NOX4: variants seen among roughly 807,000 people sequenced by gnomAD.
The protein encoded by NOX4 is kidney oxidase-1.
NOX4 carries 69 observed loss-of-function variants against 87.6 expected under a neutral mutation model. The ratio of observed to expected loss-of-function variants is 0.79; its 90% CI spans 0.65 to 0.96. The LOEUF is 0.96. NOX4 is among the 40% of genes least tolerant of loss of function. The probability of loss-of-function intolerance (pLI) is 0.00; values close to 1 mark genes in which losing one functional copy is unlikely to be tolerated. For missense variants in NOX4, 680 were observed against 681.5 expected, an observed-to-expected ratio of 1.00 and a Z score of 0.02; for synonymous variants, 275 against 238.2, an observed-to-expected ratio of 1.15 and a Z score of -1.42.
chr11:89,499,651 A>C (rs536259824), upstream of NOX4, among the ~76,000 whole-genome samples: 5 of 152,248 alleles, frequency 3.3e-5, no homozygotes, highest in East Asian at 9.7e-4. Flanking sequence ...TCACAATTGG[A>C]TCACTCTTAC....
chr11:89,382,772 C>T (rs1940393459), intron 11 of NOX4, among the ~76,000 whole-genome samples: 1 of 152,078 alleles, frequency 6.6e-6, no homozygotes, highest in Admixed American at 6.5e-5. Context: ...TGTTCTGTGA[C>T]TAGCCCTCCC....
chr11:89,337,647 G>T (rs1945773747), intron 15 of NOX4, 132 bp from the exon 16 acceptor site: 1 of 1,220,380 alleles, frequency 8.2e-7, no homozygotes, highest in Admixed American at 2.2e-5. Flanking sequence ...ATAAGAAAAT[G>T]AATACACACA....
At chr11:89,483,183 T>A (rs1728621762) in intron 2 of NOX4, among the ~76,000 whole-genome samples, 1 of 152,112 alleles carries the variant, frequency 6.6e-6, no homozygotes, top group South Asian at 2.1e-4. Context: ...GGCCAAGAAC[T>A]GTGTCTGACA....
In NOX4 at chr11:89,491,276, G is replaced by GC; in HGVS notation, c.-31dup. 6.2e-7 allele frequency: 1 copy of GC among 1,603,150 alleles called. No individual in the cohort carries two copies. The highest frequency in any genetic ancestry group is 8.5e-7 in the Non-Finnish European group (1 of 1,174,706). On this transcript the variant is annotated 5_prime_UTR_variant, in exon 1 of 18. Transcript: ENST00000263317. ...CCGGCCCCGCCGCGCTGCGCTCTGTGCCCGCCGGACCGAGAAGGAGCGGGC... is the reference window on the plus strand; with the variant it reads ...CCGGCCCCGCCGCGCTGCGCTCTGTGCCCCGCCGGACCGAGAAGGAGCGGGC...
At chr11:89,533,598 C>T in the NOX4 span, 1 of 148,224 alleles carries the variant, frequency 6.7e-6, no homozygotes, top group Admixed American at 6.7e-5. Flanking sequence ...TGAGTGAGAA[C>T]TAAAATTCTT....
chr11:89,547,505 T>G, the NOX4 span, among the ~76,000 whole-genome samples: 1 of 152,214 alleles, frequency 6.6e-6, no homozygotes, highest in Non-Finnish European at 1.5e-5. Context: ...TCCCTGAAAC[T>G]ACAATATCTA....
upstream of NOX4, among the ~76,000 whole-genome samples, chr11:89,501,066 A>T (rs1947011445): frequency 6.6e-6 from 1 of 152,084 alleles, no homozygotes; most frequent in South Asian, 2.1e-4. Flanking sequence ...ACCAAGCTGT[A>T]GCCCTAGGAG....
chr11:89,432,649 A>G (rs900953759), intron 7 of NOX4, 135 bp downstream of exon 7: 50 of 590,898 alleles, frequency 8.5e-5, no homozygotes, highest in Non-Finnish European at 1.4e-4. Flanking sequence ...GTATAGAAAC[A>G]GCTATACTTC....
intron 8 of NOX4, among the ~76,000 whole-genome samples, chr11:89,410,847 C>A (rs972238383): frequency 2.6e-5 from 4 of 152,206 alleles, no homozygotes; most frequent in African/African-American, 9.6e-5. Flanking sequence ...GGGCTCACAG[C>A]CAGTGATGTG....
At chr11:89,581,432 G>C in the NOX4 span, among the ~76,000 whole-genome samples, 1 of 152,160 alleles carries the variant, frequency 6.6e-6, no homozygotes, top group African/African-American at 2.4e-5. Context: ...CTGGTACACA[G>C]TGTAAGAACT....
intron 7 of NOX4, among the ~76,000 whole-genome samples, chr11:89,426,244 G>C (rs1253298847): frequency 6.6e-6 from 1 of 151,974 alleles, no homozygotes; most frequent in African/African-American, 2.4e-5. Flanking sequence ...TTTTAACAAA[G>C]GTTCCAAAAT....
chr11:89,568,469 C>T, the NOX4 span, among the ~76,000 whole-genome samples: 4 of 152,184 alleles, frequency 2.6e-5, no homozygotes, highest in South Asian at 8.3e-4. Context: ...AGGAAGACAG[C>T]TAACCAGAGA....
chr11:89,451,719 A>T (rs1944969463), intron 3 of NOX4, 66 bp downstream of exon 3: 1 of 1,104,320 alleles, frequency 9.1e-7, no homozygotes, highest in African/African-American at 1.5e-5. Context: ...AAGTAAACAA[A>T]CTAACATGCG....
chr11:89,568,415 A>T, the NOX4 span, among the ~76,000 whole-genome samples: 2 of 152,230 alleles, frequency 1.3e-5, no homozygotes, highest in Admixed American at 1.3e-4. Context: ...GGCAAATTAA[A>T]ACACAATCCC....
intron 11 of NOX4, among the ~76,000 whole-genome samples, chr11:89,374,653 T>G (rs1939702170): frequency 6.6e-6 from 1 of 152,224 alleles, no homozygotes; most frequent in Non-Finnish European, 1.5e-5. Context: ...TCTTAATTAT[T>G]GCAGGTCACT....
At chr11:89,436,964 T>G (rs1944108004) in intron 6 of NOX4, among the ~76,000 whole-genome samples, 1 of 152,124 alleles carries the variant, frequency 6.6e-6, no homozygotes, top group South Asian at 2.1e-4. Context: ...CAATCTTAAT[T>G]TGTCAATACT....
chr11:89,418,425 T>G (rs1308959936), intron 8 of NOX4, among the ~76,000 whole-genome samples: 14 of 93,682 alleles, frequency 1.5e-4, no homozygotes, highest in African/African-American at 4.2e-4. Flanking sequence ...ACATTGAGAA[T>G]AATAATAATA....
intron 12 of NOX4, among the ~76,000 whole-genome samples, chr11:89,362,185 C>A (rs1938578451): frequency 6.6e-6 from 1 of 151,848 alleles, no homozygotes. Flanking sequence ...CACACACACA[C>A]ACACACACAC....
At chr11:89,467,570 G>T (rs1280566761) in intron 2 of NOX4, among the ~76,000 whole-genome samples, 1 of 152,028 alleles carries the variant, frequency 6.6e-6, no homozygotes, top group East Asian at 1.9e-4. Flanking sequence ...CTCATAGACA[G>T]TGCCTTCTGC....
Sources: gnomAD v4.1 joint callset for allele counts (sites outside exome capture counted in the v4.1 genomes callset) on GRCh38, gnomAD v4.1.1 for gene constraint, MANE v1.5 for transcripts, NCBI Gene and HGNC (gene_info 2026-07-23, HGNC 2026-07-21) for gene names.